Variants in EFHC1 observed in about 807,000 individuals in gnomAD.
EFHC1 encodes EF-hand domain containing 1.
In EFHC1, 53 loss-of-function variants were observed where a neutral mutation model predicts 69.9. The observed-to-expected ratio is 0.76, with a 90% CI of 0.61 to 0.95. The LOEUF (loss-of-function observed/expected upper bound fraction) is 0.95. EFHC1 is among the 40% of genes least tolerant of loss of function. The pLI, the probability that EFHC1 is intolerant of heterozygous loss-of-function variation, is 0.00. For synonymous variants in EFHC1, 256 were observed against 278.4 expected (o/e 0.92, Z 0.80); for missense variants, 739 against 798.7 (o/e 0.93, Z 0.90).
At chr6:52,421,052 C>T (rs1764180278) in intron 1 of EFHC1, 4 of 994,034 alleles carry the variant, frequency 4.0e-6, no homozygotes, top group South Asian at 4.3e-5. Flanking sequence ...CGATTCCGCT[C>T]CTCTTCTTTC....
At position 52,479,165 on chromosome 6, in the gene EFHC1, G is replaced by A. The variant is rs1430418390; in HGVS notation, c.1407G>A (p.Arg469=). The change falls in exon 8 of 11, where the codon AGG becomes AGA. Residue 469 remains arginine, a synonymous_variant. Transcript: ENST00000371068. ...TCATTGGGGGCAAGTACCTTGGCAG[G>A]ACTAAAGTTGTTAAACCATACTCTA... ...SGIIGGKYLG[R]TKVVKPYSTV... is the part of the protein sequence containing the mutation. 1 of 1,613,996 alleles carries A rather than the reference G, an allele frequency of 6.2e-7. No individual in the cohort carries two copies. Among genetic ancestry groups the A allele is most frequent in the African/African-American group, 1.3e-5 (1 of 74,906 alleles).
At chr6:52,471,421 C>T (rs1389438866) in intron 7 of EFHC1, among the ~76,000 whole-genome samples, 1 of 151,994 alleles carries the variant, frequency 6.6e-6, no homozygotes, top group African/African-American at 2.4e-5. Context: ...CAATTTATTT[C>T]TACAATTTTA....
chr6:52,420,467 C>T lies in EFHC1; in HGVS notation c.57C>T (p.Asp19=), dbSNP rs1183612262. The T allele has an allele frequency of 1.9e-6, 3 of 1,614,098 alleles. No homozygotes were observed. The highest frequency in any genetic ancestry group is 2.5e-6 in the Non-Finnish European group (3 of 1,180,044). Reference sequence around the variant, plus strand: ...TTCTTCCGGGCACGTCCTTTAAGGACTCTACGGTGAGCAGTTATCTGCCAG... The same window carrying T: ...TTCTTCCGGGCACGTCCTTTAAGGATTCTACGGTGAGCAGTTATCTGCCAG... ...LPFLPGTSFK[D]STKTAFHRSQ... is the part of the protein sequence containing the mutation. The change falls in exon 1 of 11, where the codon GAC becomes GAT. Residue 19 remains aspartate, a synonymous_variant. Transcript: ENST00000371068.
intron 9 of EFHC1, chr6:52,488,961 C>T (rs1181099445): frequency 6.6e-6 from 1 of 152,162 alleles, no homozygotes; most frequent in Non-Finnish European, 1.5e-5. Flanking sequence ...ATAGATGTAT[C>T]TTTGCATACA....
chr6:52,478,912 GTTT>G, intron 7 of EFHC1, 122 bp from the exon 8 acceptor site: 3 of 899,444 alleles, frequency 3.3e-6, no homozygotes, highest in Non-Finnish European at 5.3e-6. Flanking sequence ...TAGATGGTTT[GTTT>G]ATATTGTAAA....
intron 1 of EFHC1, 101 bp downstream of exon 1, chr6:52,420,574 C>G: frequency 7.1e-7 from 1 of 1,408,916 alleles, no homozygotes. Context: ...TCAAGTCTGT[C>G]TTCTCTCCAA....
chr6:52,439,192 G>A (rs509946), intron 3 of EFHC1, among the ~76,000 whole-genome samples: 96,372 of 151,906 alleles, frequency 0.63, 31,611 homozygotes, highest in East Asian at 0.87. Flanking sequence ...GAGGATATAG[G>A]TGGCCTTTCT....
intron 2 of EFHC1, among the ~76,000 whole-genome samples, chr6:52,434,512 T>G (rs1244415412): frequency 6.6e-6 from 1 of 152,206 alleles, no homozygotes; most frequent in Non-Finnish European, 1.5e-5. Context: ...TTCCATAGTT[T>G]GGGCACTCAC....
Position 52,495,877 on chromosome 6 carries a change from G to C in EFHC1, c.*3536G>C, listed in dbSNP as rs1383140914. 3.9e-5 allele frequency: 12 copies of C among 310,874 alleles called. No homozygotes were observed. The allele number at this position is 310,874 out of a possible 1,614,324, so 19.3% of individuals were successfully genotyped here. A position where few individuals can be genotyped will look rare whatever the true frequency, so the allele number is the denominator to read the frequency against. On this transcript the variant is annotated 3_prime_UTR_variant, in exon 11 of 11. Transcript: ENST00000371068. ...GACAGCACCAACACAAGGTATAAAA[G>C]AGATTTCATGAAAGACCAAAGCCAG...
intron 1 of EFHC1, among the ~76,000 whole-genome samples, chr6:52,420,852 C>G (rs2296195): frequency 0.015 from 2,284 of 152,028 alleles, 43 homozygotes; most frequent in South Asian, 0.095. Context: ...TCTCTGGGCC[C>G]TCTCCCTAGC....
At chr6:52,459,483 G>C (rs1178570696) in intron 5 of EFHC1, among the ~76,000 whole-genome samples, 2 of 152,180 alleles carry the variant, frequency 1.3e-5, no homozygotes, top group Non-Finnish European at 2.9e-5. Flanking sequence ...ACTTATTAGA[G>C]AAATGCAAAT....
rs1347687690 is a variant in EFHC1 at position 52,453,032 on chromosome 6, A to T, written c.723+195A>T. On this transcript the variant is annotated intron_variant, in intron 4 of 10. Transcript: ENST00000371068. ...AGGAATGCCTACATTTCATATGGAG[A>T]TCCAAAGAAGATCGTGGAGTTGCGG... The T allele has an allele frequency of 3.9e-6, 6 of 1,528,338 alleles. No homozygotes were observed. In the African/African-American group the frequency reaches 8.2e-5, roughly 21 times the overall value. 94.7% of individuals were successfully genotyped at this position (1,528,338 alleles called of 1,614,324 possible).
rs1471882506 is a variant in EFHC1, at chr6:52,494,384, CTTCT to C, written c.*2048_*2051del. On this transcript the variant is annotated 3_prime_UTR_variant, in exon 11 of 11. Coordinates refer to ENST00000371068, the MANE Select transcript of EFHC1 (RefSeq NM_018100.4). ...GATGATAGTGGTTTCTTCTTACTCC[CTTCT>C]TTCTGTCTTCTGCTCCCTTTGTTCC... 4 of 453,938 alleles carry C rather than the reference CTTCT, an allele frequency of 8.8e-6. No individual in the cohort carries two copies. The highest frequency in any genetic ancestry group is 7.1e-5 in the Admixed American group (3 of 42,550). 28.1% of individuals were successfully genotyped at this position (453,938 alleles called of 1,614,324 possible).
intron 5 of EFHC1, among the ~76,000 whole-genome samples, chr6:52,459,931 C>T (rs1765126771): frequency 6.6e-6 from 1 of 152,200 alleles, no homozygotes; most frequent in South Asian, 2.1e-4. Flanking sequence ...GCCTCGGCCT[C>T]CCAAAGTAAT....
At chr6:52,486,113 T>A (rs570485874) in intron 9 of EFHC1, 1 of 152,306 alleles carries the variant, frequency 6.6e-6, no homozygotes, top group South Asian at 2.1e-4. Context: ...TACAAATATA[T>A]TTTGCCACTC....
intron 9 of EFHC1, 180 bp downstream of exon 9, chr6:52,479,967 C>A: frequency 1.0e-6 from 1 of 983,116 alleles, no homozygotes; most frequent in Non-Finnish European, 1.5e-6. Context: ...ACTTTTTCAA[C>A]TTCATTTGTT....
chr6:52,462,996 G>GT (rs1442174508), intron 5 of EFHC1, among the ~76,000 whole-genome samples: 1 of 150,722 alleles, frequency 6.6e-6, no homozygotes, highest in Non-Finnish European at 1.5e-5. Context: ...AATGAGTAAA[G>GT]TTTTTTTTGT....
intron 2 of EFHC1, chr6:52,437,601 T>G (rs1764560986): frequency 6.6e-6 from 1 of 152,284 alleles, no homozygotes; most frequent in Non-Finnish European, 1.5e-5. Flanking sequence ...TGCCAGCTGG[T>G]TTGAATTCTG....
chr6:52,423,666 T>TTTTTC, intron 1 of EFHC1: 3 of 449,932 alleles, frequency 6.7e-6, no homozygotes, highest in Admixed American at 4.2e-5. Context: ...AATTTTTTTT[T>TTTTTC]TTTTTTTTTT....
Sources: gnomAD v4.1 joint callset for allele counts (sites outside exome capture counted in the v4.1 genomes callset) on GRCh38, gnomAD v4.1.1 for gene constraint, MANE v1.5 for transcripts, NCBI Gene and HGNC (gene_info 2026-07-23, HGNC 2026-07-21) for gene names.